Variants in NCAM1 observed in about 807,000 individuals in gnomAD.
NCAM1 encodes neural cell adhesion molecule 1, also known as antigen recognized by monoclonal antibody 5.1H11.
NCAM1 carries 14 observed loss-of-function variants against 109.8 expected under a neutral mutation model. The ratio of observed to expected loss-of-function variants is 0.13; its 90% CI spans 0.08 to 0.20. The LOEUF (loss-of-function observed/expected upper bound fraction) is 0.20. Ranked by LOEUF, NCAM1 falls within the 10% of genes least tolerant of loss-of-function variation. The probability of loss-of-function intolerance (pLI) is 1.00; values close to 1 mark genes in which losing one functional copy is unlikely to be tolerated. For synonymous variants in NCAM1, 418 were observed against 442.9 expected (o/e 0.94, Z 0.70); for missense variants, 774 against 1,109.9 (o/e 0.70, Z 4.30).
intron 1 of NCAM1, among the ~76,000 whole-genome samples, chr11:113,090,628 C>T (rs555885219): frequency 1.4e-4 from 21 of 152,284 alleles, no homozygotes; most frequent in Non-Finnish European, 2.4e-4. Context: ...TTGTGAATTA[C>T]ATTAACTAAG....
rs530852654 is a variant in NCAM1 at position 113,060,775 on chromosome 11, G to C, written c.52+99111G>C. Among the ~76,000 whole-genome samples, 12 of 152,128 alleles carry C rather than the reference G, an allele frequency of 7.9e-5. No individual in the cohort carries two copies. In the South Asian group the frequency reaches 2.5e-3, roughly 32 times the overall value. On this transcript the variant is annotated intron_variant, in intron 1 of 19. Transcript: ENST00000316851. ...ATATCTTTTGCATTTCATTTCCTTG[G>C]TGTGCCCCAATGTTTTCCCTGGATA...
At chr11:113,093,446 A>G (rs1445864710) in intron 1 of NCAM1, among the ~76,000 whole-genome samples, 1 of 152,056 alleles carries the variant, frequency 6.6e-6, no homozygotes, top group Non-Finnish European at 1.5e-5. Context: ...TTTTATTCTC[A>G]AACGTAGTTC....
chr11:113,178,921 T>C (rs1382100117), intron 1 of NCAM1, among the ~76,000 whole-genome samples: 1 of 152,208 alleles, frequency 6.6e-6, no homozygotes, highest in Non-Finnish European at 1.5e-5. Flanking sequence ...AGCAGGCTCT[T>C]GGTGACCCAC....
chr11:113,247,419 G>T (rs537130151), intron 15 of NCAM1, among the ~76,000 whole-genome samples: 1 of 152,176 alleles, frequency 6.6e-6, no homozygotes, highest in East Asian at 1.9e-4. Context: ...AACTGATTGG[G>T]CGACATCCAC....
At chr11:113,084,408 G>A (rs1938985868) in intron 1 of NCAM1, among the ~76,000 whole-genome samples, 2 of 152,176 alleles carry the variant, frequency 1.3e-5, no homozygotes, top group Admixed American at 1.3e-4. Context: ...CTTGTTCAAT[G>A]TAAGTAAGAG....
intron 1 of NCAM1, among the ~76,000 whole-genome samples, chr11:113,105,291 A>G (rs1940105295): frequency 6.6e-6 from 1 of 152,002 alleles, no homozygotes; most frequent in South Asian, 2.1e-4. Context: ...CTCACCTTGC[A>G]CTCCCTTATC....
intron 1 of NCAM1, among the ~76,000 whole-genome samples, chr11:113,061,323 T>C (rs1937630053): frequency 6.6e-6 from 1 of 152,196 alleles, no homozygotes; most frequent in Non-Finnish European, 1.5e-5. Context: ...TGTAGGAACA[T>C]ATGTACTTAA....
chr11:113,157,566 A>G (rs1942459817), intron 1 of NCAM1, among the ~76,000 whole-genome samples: 1 of 152,114 alleles, frequency 6.6e-6, no homozygotes, highest in South Asian at 2.1e-4. Flanking sequence ...TTTTTGGTTC[A>G]GGCTTCTCTA....
At chr11:112,988,967 C>T (rs542271269) in intron 1 of NCAM1, among the ~76,000 whole-genome samples, 2 of 152,118 alleles carry the variant, frequency 1.3e-5, no homozygotes, top group South Asian at 2.1e-4. Context: ...AGGGTGGTCT[C>T]GAATTCCTGG....
At chr11:113,043,593 C>G (rs781847110) in intron 1 of NCAM1, among the ~76,000 whole-genome samples, 1 of 152,206 alleles carries the variant, frequency 6.6e-6, no homozygotes, top group African/African-American at 2.4e-5. Context: ...GTCTCGGCCT[C>G]TCAAACTGCT....
intron 1 of NCAM1, among the ~76,000 whole-genome samples, chr11:113,178,834 C>A (rs923757482): frequency 8.5e-5 from 13 of 152,108 alleles, no homozygotes; most frequent in African/African-American, 2.7e-4. Flanking sequence ...ATTCGAAGGC[C>A]AACATTCGAA....
At chr11:112,999,033 A>G (rs1412012205) in intron 1 of NCAM1, among the ~76,000 whole-genome samples, 1 of 152,168 alleles carries the variant, frequency 6.6e-6, no homozygotes, top group African/African-American at 2.4e-5. Context: ...TAATTAAACT[A>G]CAGATTAGGT....
chr11:113,206,587 A>G (rs1325237416), intron 5 of NCAM1, among the ~76,000 whole-genome samples: 1 of 152,202 alleles, frequency 6.6e-6, no homozygotes, highest in African/African-American at 2.4e-5. Flanking sequence ...AGGCTTGTTA[A>G]TCTTAACTTG....
chr11:113,089,262 C>A (rs183377541), intron 1 of NCAM1, among the ~76,000 whole-genome samples: 8 of 151,982 alleles, frequency 5.3e-5, no homozygotes, highest in African/African-American at 1.9e-4. Context: ...GCCGAGATCG[C>A]GCCACTGCAC....
At chr11:113,033,678 C>A (rs1555078649) in intron 1 of NCAM1, among the ~76,000 whole-genome samples, 1 of 152,146 alleles carries the variant, frequency 6.6e-6, no homozygotes, top group Admixed American at 6.5e-5. Context: ...GATATGTTTT[C>A]CAGCTTCCTT....
chr11:113,010,920 A>T (rs938533559), intron 1 of NCAM1, among the ~76,000 whole-genome samples: 1 of 152,140 alleles, frequency 6.6e-6, no homozygotes, highest in Non-Finnish European at 1.5e-5. Flanking sequence ...TGAAGGATTC[A>T]TCATTGGGGG....
chr11:113,005,926 C>T (rs189099299), intron 1 of NCAM1, among the ~76,000 whole-genome samples: 230 of 152,270 alleles, frequency 1.5e-3, no homozygotes, highest in African/African-American at 4.9e-3. Context: ...GTTTTCACTA[C>T]GTCTCCAGTG....
chr11:113,135,521 G>A (rs188579458), intron 1 of NCAM1, among the ~76,000 whole-genome samples: 2 of 152,264 alleles, frequency 1.3e-5, no homozygotes, highest in East Asian at 3.9e-4. Context: ...GCTGGGTGGT[G>A]TATTCCCTGG....
intron 1 of NCAM1, among the ~76,000 whole-genome samples, chr11:113,168,567 C>A (rs1475193427): frequency 3.3e-5 from 5 of 152,208 alleles, no homozygotes; most frequent in African/African-American, 7.2e-5. Context: ...TAGTTCGTTG[C>A]AGTGTTGATA....
Sources: gnomAD v4.1 joint callset for allele counts (sites outside exome capture counted in the v4.1 genomes callset) on GRCh38, gnomAD v4.1.1 for gene constraint, MANE v1.5 for transcripts, NCBI Gene and HGNC (gene_info 2026-07-23, HGNC 2026-07-21) for gene names.